RNF24: variants seen among roughly 807,000 people sequenced by gnomAD.
The protein encoded by RNF24 is ring finger protein 24.
In RNF24, 14 loss-of-function variants were observed where a neutral mutation model predicts 20.0. That is an observed-to-expected ratio of 0.70 (90% CI 0.46 to 1.10). The LOEUF is 1.10. Among genes scored for constraint, RNF24 ranks in the 50% least tolerant of loss-of-function variants. RNF24 has a pLI of 0.00. For missense variants in RNF24, 124 were observed against 177.6 expected (o/e 0.70, Z 1.71); for synonymous variants, 45 against 61.1 (o/e 0.74, Z 1.23).
chr20:4,011,049 AAAAGT>A (rs1393341438), intron 1 of RNF24, among the ~76,000 whole-genome samples: 1 of 152,216 alleles, frequency 6.6e-6, no homozygotes, highest in Non-Finnish European at 1.5e-5. Flanking sequence ...CCCCACAAGC[AAAAGT>A]AAAGAAAAAT....
rs2090870477 is a variant in RNF24, at chr20:3,934,832, C to A, written c.308+162G>T. Among the ~76,000 whole-genome samples, 1 of 151,602 alleles carries A rather than the reference C, an allele frequency of 6.6e-6. No individual in the cohort carries two copies. The highest frequency in any genetic ancestry group is 2.4e-5 in the African/African-American group (1 of 41,330). On this transcript the variant is annotated intron_variant, in intron 5 of 5. Coordinates refer to ENST00000358395, the MANE Select transcript of RNF24 (RefSeq NM_001134337.3). The surrounding 1 kb of genome is among the most constrained non-coding windows in gnomAD (Gnocchi z 4.0). The stretch of plus-strand genomic sequence containing the variant: ...CACTCTGCTGTCTCCTAATGTCACG[C>A]ACACACACACACATCCCACCTGTAG...
rs549490568 is a variant in RNF24 at position 4,013,363 on chromosome 20, T to G, written c.-8+2074A>C. On this transcript the variant is annotated intron_variant, in intron 1 of 5. Transcript: ENST00000358395. ...TACTAGGAATTAAAATACATGTGAT[T>G]TTTAAAAATATTACAGAGAATCTTA... Among the ~76,000 whole-genome samples, 15 of 152,374 alleles carry G rather than the reference T, an allele frequency of 9.8e-5. No homozygotes were observed. The South Asian group carries it at 3.1e-3, about 32-fold the overall frequency.
intron 1 of RNF24, among the ~76,000 whole-genome samples, chr20:4,012,924 A>G (rs916691666): frequency 1.3e-5 from 2 of 152,172 alleles, no homozygotes; most frequent in Non-Finnish European, 2.9e-5. Flanking sequence ...AGACTCCTAA[A>G]AAATGTCTTA....
rs557348203 is a variant in RNF24 at position 3,977,232 on chromosome 20, T to C, written c.-7-13208A>G. 1.6e-3 allele frequency among the ~76,000 whole-genome samples: 237 copies of C among 152,356 alleles called. 1 individual carries two copies. Among genetic ancestry groups the C allele is most frequent in the African/African-American group, 5.5e-3 (227 of 41,588 alleles). ...TAATCTAGATTAAGGCTTCAGGTTA[T>C]TTCAGCAAAGCATGGAAGATGGAAC... On this transcript the variant is annotated intron_variant, in intron 1 of 5. Transcript: ENST00000358395.
At chr20:4,006,401 A>G (rs960341906) in intron 1 of RNF24, among the ~76,000 whole-genome samples, 1 of 151,918 alleles carries the variant, frequency 6.6e-6, no homozygotes, top group Non-Finnish European at 1.5e-5. Context: ...TTTACACAGG[A>G]GCAAGCTTTA....
chr20:3,979,084 ACT>A (rs1979161280), intron 1 of RNF24, among the ~76,000 whole-genome samples: 1 of 145,918 alleles, frequency 6.9e-6, no homozygotes, highest in Non-Finnish European at 1.5e-5. Context: ...AAAGAGTGAG[ACT>A]CTGTCAAAAA....
chr20:3,987,513 C>T (rs1474152747), intron 1 of RNF24, among the ~76,000 whole-genome samples: 1 of 147,266 alleles, frequency 6.8e-6, no homozygotes, highest in African/African-American at 2.5e-5. Flanking sequence ...AATTTTAAAT[C>T]TCTCTCAAGT....
In RNF24 at chr20:3,984,838, T is replaced by G. The variant is rs148904781; in HGVS notation, c.-7-20814A>C. On this transcript the variant is annotated intron_variant, in intron 1 of 5. Transcript: ENST00000358395. Reference sequence around the variant, plus strand: ...CAAATCTCAGTATACACCAGAAGACTTCTTTCCAGTTTTAAGAAACTGACA... The same window carrying G: ...CAAATCTCAGTATACACCAGAAGACGTCTTTCCAGTTTTAAGAAACTGACA... Among the ~76,000 whole-genome samples, 168 of 152,270 alleles carry G rather than the reference T, an allele frequency of 1.1e-3. 2 individuals are homozygous for G. The East Asian group carries it at 0.031, about 28-fold the overall frequency.
intron 2 of RNF24, among the ~76,000 whole-genome samples, chr20:3,961,119 A>G (rs184301869): frequency 6.6e-6 from 1 of 152,264 alleles, no homozygotes; most frequent in East Asian, 1.9e-4. Flanking sequence ...AAAAAGGATA[A>G]GGCTGGGTGT....
chr20:3,969,863 C>T (rs1600671157), intron 1 of RNF24, among the ~76,000 whole-genome samples: 1 of 151,594 alleles, frequency 6.6e-6, no homozygotes, highest in East Asian at 1.9e-4. Context: ...CTCCGCCTTC[C>T]AGGTTCAAGC....
intron 1 of RNF24, among the ~76,000 whole-genome samples, chr20:4,000,458 G>A (rs1981299122): frequency 6.6e-6 from 1 of 152,170 alleles, no homozygotes; most frequent in Non-Finnish European, 1.5e-5. Flanking sequence ...CTGGGAGGTG[G>A]AGGCTGCAGT....
intron 1 of RNF24, among the ~76,000 whole-genome samples, chr20:3,997,596 AT>A (rs142585201): frequency 6.0e-5 from 9 of 149,856 alleles, no homozygotes; most frequent in South Asian, 2.1e-4. Flanking sequence ...CCAGCTAATT[AT>A]TTTTTTTTTC....
At chr20:3,949,396 C>G (rs1361045831) in intron 2 of RNF24, among the ~76,000 whole-genome samples, 1 of 151,518 alleles carries the variant, frequency 6.6e-6, no homozygotes. Flanking sequence ...AATAAAAGTA[C>G]TCACCCTGGC....
intron 4 of RNF24, 26 bp from the exon 5 acceptor site, chr20:3,935,099 C>G: frequency 6.2e-7 from 1 of 1,607,908 alleles, no homozygotes. Flanking sequence ...ACAAATGAAG[C>G]CAAGTGTCTG....
chr20:3,993,861 A>G (rs969898235), intron 1 of RNF24, among the ~76,000 whole-genome samples: 1 of 152,208 alleles, frequency 6.6e-6, no homozygotes, highest in Admixed American at 6.5e-5. Context: ...TTTTCGATTT[A>G]TAGAAAAGTT....
At chr20:3,995,710 A>T (rs1980804240) in intron 1 of RNF24, among the ~76,000 whole-genome samples, 1 of 152,172 alleles carries the variant, frequency 6.6e-6, no homozygotes, top group Non-Finnish European at 1.5e-5. Flanking sequence ...TCGTTCTTTT[A>T]AGAAAGATAT....
At chr20:3,995,635 G>A (rs547022086) in intron 1 of RNF24, among the ~76,000 whole-genome samples, 1 of 152,144 alleles carries the variant, frequency 6.6e-6, no homozygotes, top group Non-Finnish European at 1.5e-5. Flanking sequence ...TAATTACCTT[G>A]CATTTCTAAA....
chr20:3,997,596 A>ATT (rs142585201), intron 1 of RNF24, among the ~76,000 whole-genome samples: 3 of 149,744 alleles, frequency 2.0e-5, no homozygotes, highest in Non-Finnish European at 3.0e-5. Flanking sequence ...CCAGCTAATT[A>ATT]TTTTTTTTTT....
At chr20:3,978,586 C>T (rs1056702892) in intron 1 of RNF24, among the ~76,000 whole-genome samples, 1 of 151,828 alleles carries the variant, frequency 6.6e-6, no homozygotes, top group Non-Finnish European at 1.5e-5. Context: ...TAAGAAAACA[C>T]TTTAAATGAT....
Sources: allele counts gnomAD v4.1 joint callset (sites outside exome capture counted in the v4.1 genomes callset), GRCh38; gene constraint gnomAD v4.1.1; non-coding constraint Gnocchi (gnomAD v3.1); transcripts MANE v1.5; gene names NCBI Gene and HGNC (gene_info 2026-07-23, HGNC 2026-07-21).